Variants in TECTA observed in about 807,000 individuals in gnomAD.
The protein encoded by TECTA is alpha-tectorin.
In TECTA, 128 loss-of-function variants were observed where a neutral mutation model predicts 216.8. The ratio of observed to expected loss-of-function variants is 0.59; its 90% CI spans 0.51 to 0.68. The LOEUF (loss-of-function observed/expected upper bound fraction) is 0.68. Among genes scored for constraint, TECTA ranks in the 30% least tolerant of loss-of-function variants. TECTA has a pLI of 0.00. For missense variants in TECTA, 2,551 were observed against 2,786.2 expected, an observed-to-expected ratio of 0.92 and a Z score of 1.90; for synonymous variants, 1,089 against 1,117.1, an observed-to-expected ratio of 0.97 and a Z score of 0.50.
intron 7 of TECTA, among the ~76,000 whole-genome samples, chr11:121,120,416 G>T (rs1946546282): frequency 6.6e-6 from 1 of 152,222 alleles, no homozygotes; most frequent in Non-Finnish European, 1.5e-5. Flanking sequence ...CCCTGCTGGG[G>T]AGACTGGCTC....
chr11:121,158,314 T>C, intron 14 of TECTA, 90 bp downstream of exon 14: 1 of 1,532,832 alleles, frequency 6.5e-7, no homozygotes, highest in Non-Finnish European at 8.9e-7. Context: ...ATAGCCAAGT[T>C]GTAGGATAGA....
intron 20 of TECTA, among the ~76,000 whole-genome samples, chr11:121,181,846 G>A (rs1565540030): frequency 1.3e-5 from 2 of 151,728 alleles, no homozygotes; most frequent in African/African-American, 2.4e-5. Context: ...TGTGCATCTG[G>A]TATAATAGTT....
chr11:121,158,971 G>A lies in TECTA; in HGVS notation c.4689+747G>A, dbSNP rs143504795. 5.8e-4 allele frequency among the ~76,000 whole-genome samples: 88 copies of A among 152,290 alleles called. 1 individual carries two copies. The highest frequency in any genetic ancestry group is 2.0e-3 in the African/African-American group (84 of 41,548). Reference sequence around the variant, plus strand: ...TGACCCAGCCTCTCAGCTAGAGCAGGCTGCTGTGGCAGGTCACTCGGAAGG... The same window carrying A: ...TGACCCAGCCTCTCAGCTAGAGCAGACTGCTGTGGCAGGTCACTCGGAAGG... On this transcript the variant is annotated intron_variant, in intron 14 of 23. Coordinates refer to ENST00000392793, the MANE Select transcript of TECTA (RefSeq NM_005422.4).
chr11:121,143,136 G>T (rs1462923045), intron 11 of TECTA, among the ~76,000 whole-genome samples: 1 of 152,144 alleles, frequency 6.6e-6, no homozygotes, highest in Non-Finnish European at 1.5e-5. Flanking sequence ...TGATGTTTTT[G>T]TTTTACAAAA....
In TECTA at chr11:121,105,993, T is replaced by C. The variant is rs1271478733; in HGVS notation, c.198+29T>C. The C allele has an allele frequency of 1.9e-6, 3 of 1,614,062 alleles. No individual in the cohort carries two copies. The highest frequency in any genetic ancestry group is 2.5e-6 in the Non-Finnish European group (3 of 1,180,026). ...AGTGGAGAAGCAGCCCATCTGTTGT[T>C]CTCTGGCCCTCCCTTTTGTTTGTCA... On this transcript the variant is annotated intron_variant, in intron 3 of 23. Coordinates refer to ENST00000392793, the MANE Select transcript of TECTA (RefSeq NM_005422.4). The surrounding 1 kb of genome is among the most constrained non-coding windows in gnomAD (Gnocchi z 5.3).
At chr11:121,134,491 C>T (rs1026786980) in intron 10 of TECTA, among the ~76,000 whole-genome samples, 1 of 152,158 alleles carries the variant, frequency 6.6e-6, no homozygotes, top group South Asian at 2.1e-4. Flanking sequence ...TGCTGGGACT[C>T]CAGAGCTACC....
intron 20 of TECTA, among the ~76,000 whole-genome samples, chr11:121,180,813 CTTTTTTT>C (rs34807486): frequency 1.7e-5 from 2 of 119,998 alleles, no homozygotes; most frequent in African/African-American, 3.1e-5. Context: ...TTTCTTATTC[CTTTTTTT>C]TTTTTTTTTT....
chr11:121,175,397 T>C (rs1320451740), intron 20 of TECTA, among the ~76,000 whole-genome samples: 4 of 152,216 alleles, frequency 2.6e-5, no homozygotes. Flanking sequence ...GTTGTGTCTT[T>C]ATTCTCGTTG....
At chr11:121,170,448 G>C (rs1322230405) in intron 20 of TECTA, among the ~76,000 whole-genome samples, 4 of 151,758 alleles carry the variant, frequency 2.6e-5, no homozygotes, top group African/African-American at 7.3e-5. Flanking sequence ...GTTTGGTTTT[G>C]TTTTGTTTTG....
intron 10 of TECTA, among the ~76,000 whole-genome samples, chr11:121,135,042 C>G (rs143151659): frequency 6.6e-6 from 1 of 152,294 alleles, no homozygotes; most frequent in Non-Finnish European, 1.5e-5. Context: ...CTTGAGATGT[C>G]CCCCAGGATG....
intron 20 of TECTA, among the ~76,000 whole-genome samples, chr11:121,185,307 G>T (rs1947272116): frequency 6.6e-6 from 1 of 151,256 alleles, no homozygotes; most frequent in East Asian, 1.9e-4. Flanking sequence ...AGGGAAAGTA[G>T]ATGTTCAATG....
intron 14 of TECTA, among the ~76,000 whole-genome samples, chr11:121,158,782 G>C (rs1248772518): frequency 6.6e-6 from 1 of 152,122 alleles, no homozygotes; most frequent in Non-Finnish European, 1.5e-5. Flanking sequence ...CTCTTAGGTT[G>C]GCTCCTCCTT....
At position 121,190,972 on chromosome 11, in the gene TECTA, A is replaced by G; in HGVS notation, c.*166A>G. 2 of 597,860 alleles carry G rather than the reference A, an allele frequency of 3.3e-6. No homozygotes were observed. Among genetic ancestry groups the G allele is most frequent in the Non-Finnish European group, 6.0e-6 (2 of 331,552 alleles). 37.0% of individuals were successfully genotyped at this position (597,860 alleles called of 1,614,324 possible). Reference sequence around the variant, plus strand: ...AGGTCCAGAAACCAGCGACCATCCAAGCTCCTCTTTCAGAGTATGAAACGG... The same window carrying G: ...AGGTCCAGAAACCAGCGACCATCCAGGCTCCTCTTTCAGAGTATGAAACGG... On this transcript the variant is annotated 3_prime_UTR_variant, in exon 24 of 24. Transcript: ENST00000392793.
chr11:121,132,480 G>C (rs560337154), intron 10 of TECTA, among the ~76,000 whole-genome samples: 1 of 152,284 alleles, frequency 6.6e-6, no homozygotes, highest in African/African-American at 2.4e-5. Context: ...GGAGCGTAGT[G>C]TTGAGGAGAT....
intron 3 of TECTA, among the ~76,000 whole-genome samples, chr11:121,106,275 A>T (rs1946389480): frequency 6.6e-6 from 1 of 152,238 alleles, no homozygotes; most frequent in African/African-American, 2.4e-5. Context: ...CGAGATAAAA[A>T]GATACAATGA....
chr11:121,121,019 G>A (rs1428390513), intron 7 of TECTA, among the ~76,000 whole-genome samples: 1 of 152,220 alleles, frequency 6.6e-6, no homozygotes, highest in Non-Finnish European at 1.5e-5. Context: ...TCAGCACTGG[G>A]ATACAGGCAG....
chr11:121,171,026 C>T (rs1947106620), intron 20 of TECTA, among the ~76,000 whole-genome samples: 1 of 152,014 alleles, frequency 6.6e-6, no homozygotes, highest in Non-Finnish European at 1.5e-5. Context: ...GAAGCATGTT[C>T]ACTTTGTTTT....
rs1946599321 is a variant in TECTA, at chr11:121,125,463, C to T, written c.1365C>T (p.Asn455=). ...TTTCCGTCCCAGGCTCCTATATAAA[C>T]TCCACCTGTGGACTCTGTGGAAACT... ...ASISVPGSYI[N]STCGLCGNYN... Residue 455 remains asparagine, a synonymous_variant, in exon 8 of 24, where the codon AAC becomes AAT. Coordinates refer to ENST00000392793, the MANE Select transcript of TECTA (RefSeq NM_005422.4). 1.2e-6 allele frequency: 2 copies of T among 1,614,100 alleles called. 1 individual carries two copies. Among genetic ancestry groups the T allele is most frequent in the South Asian group, 2.2e-5 (2 of 91,086 alleles).
intron 12 of TECTA, among the ~76,000 whole-genome samples, chr11:121,149,908 A>T (rs1388947909): frequency 6.6e-6 from 1 of 152,216 alleles, no homozygotes; most frequent in East Asian, 1.9e-4. Flanking sequence ...TTTCTTAGCC[A>T]TCTGTCATGT....
Sources: gnomAD v4.1 joint callset for allele counts (sites outside exome capture counted in the v4.1 genomes callset) on GRCh38, gnomAD v4.1.1 for gene constraint, Gnocchi (gnomAD v3.1) non-coding constraint, MANE v1.5 for transcripts, NCBI Gene and HGNC (gene_info 2026-07-23, HGNC 2026-07-21) for gene names.